ERBB4: variants seen among roughly 807,000 people sequenced by gnomAD.
ERBB4 encodes receptor tyrosine-protein kinase erbB-4.
ERBB4 carries 42 observed loss-of-function variants against 158.0 expected under a neutral mutation model. The observed-to-expected ratio is 0.27, with a 90% CI of 0.21 to 0.34. ERBB4 has a LOEUF of 0.34. Ranked by LOEUF, ERBB4 falls within the 10% of genes least tolerant of loss-of-function variation. The pLI, the probability that ERBB4 is intolerant of heterozygous loss-of-function variation, is 1.00. For missense variants in ERBB4, 1,333 were observed against 1,624.1 expected, an observed-to-expected ratio of 0.82 and a Z score of 3.08; for synonymous variants, 583 against 558.7, an observed-to-expected ratio of 1.04 and a Z score of -0.61.
chr2:211,947,284 A>G (rs777289981), intron 3 of ERBB4, 146 bp downstream of exon 3: 164 of 703,072 alleles, frequency 2.3e-4, no homozygotes, highest in Non-Finnish European at 3.7e-4. Flanking sequence ...ATCACAGGGC[A>G]TCATTGCTTA....
At chr2:211,802,289 A>C (rs2076518382) in intron 3 of ERBB4, among the ~76,000 whole-genome samples, 1 of 152,002 alleles carries the variant, frequency 6.6e-6, no homozygotes, top group African/African-American at 2.4e-5. Flanking sequence ...AAAAAACTGA[A>C]ATACAGGTAG....
chr2:211,698,567 T>C (rs1472093763), intron 12 of ERBB4, among the ~76,000 whole-genome samples: 1 of 151,810 alleles, frequency 6.6e-6, no homozygotes, highest in African/African-American at 2.4e-5. Flanking sequence ...GGTTTTATAT[T>C]GAACAATGAG....
chr2:212,274,088 G>C (rs2106126748), intron 1 of ERBB4, among the ~76,000 whole-genome samples: 1 of 151,890 alleles, frequency 6.6e-6, no homozygotes, highest in South Asian at 2.1e-4. Context: ...AAAAGAAAAT[G>C]TTATTAAGAA....
chr2:211,820,409 A>T (rs1177777010), intron 3 of ERBB4, among the ~76,000 whole-genome samples: 2 of 151,944 alleles, frequency 1.3e-5, no homozygotes, highest in Non-Finnish European at 2.9e-5. Context: ...GAACACACCA[A>T]TGACAAGTAA....
chr2:211,704,077 C>T (rs898621112), intron 11 of ERBB4, 27 bp downstream of exon 11: 2 of 1,265,554 alleles, frequency 1.6e-6, no homozygotes, highest in Non-Finnish European at 2.3e-6. Flanking sequence ...ATCTGTGAGC[C>T]CTGCAGCTTT....
Position 211,947,627 on chromosome 2 carries a change from A to C in ERBB4, c.235-11T>G, listed in dbSNP as rs1319803777. The C allele has an allele frequency of 6.2e-7, 1 of 1,612,000 alleles. No homozygotes were observed. Among genetic ancestry groups the C allele is most frequent in the African/African-American group, 1.3e-5 (1 of 75,050 alleles). ...GACTTCTCGAACAGACTGAAAAGAC[A>C]CAAACAGTTGCCTGTGTTATAAAAC... On this transcript the variant is annotated splice_polypyrimidine_tract_variant and intron_variant, in intron 2 of 27. Transcript: ENST00000342788.
At position 211,643,053 on chromosome 2, in the gene ERBB4, C is replaced by T. The variant is rs545606106; in HGVS notation, c.1947-12459G>A. Among the ~76,000 whole-genome samples the T allele has an allele frequency of 1.3e-5, 2 of 152,192 alleles. 1 individual carries two copies. The highest frequency in any genetic ancestry group is 4.1e-4 in the South Asian group (2 of 4,830). On this transcript the variant is annotated intron_variant, in intron 16 of 27. Coordinates refer to ENST00000342788, the MANE Select transcript of ERBB4 (RefSeq NM_005235.3). ...GTTTTAGTTTAGTTTATCCCTCACC[C>T]TCACCACACTGCGTCCAAGTCCCAG...
chr2:212,514,444 C>T (rs1038922920), intron 1 of ERBB4, among the ~76,000 whole-genome samples: 4 of 152,140 alleles, frequency 2.6e-5, no homozygotes, highest in African/African-American at 9.7e-5. Context: ...TATTCAAATA[C>T]ATTAGTTGTC....
intron 12 of ERBB4, among the ~76,000 whole-genome samples, chr2:211,694,267 A>T (rs972810752): frequency 2.0e-5 from 3 of 152,166 alleles, no homozygotes; most frequent in Non-Finnish European, 2.9e-5. Flanking sequence ...TTTAATAATT[A>T]TAAGTTTTAC....
intron 1 of ERBB4, among the ~76,000 whole-genome samples, chr2:212,456,017 T>C (rs1238852063): frequency 6.6e-6 from 1 of 151,992 alleles, no homozygotes; most frequent in Non-Finnish European, 1.5e-5. Context: ...TCAGGTTTAT[T>C]TCACCCTTGA....
chr2:212,226,361 CA>C (rs2083468224), intron 1 of ERBB4, among the ~76,000 whole-genome samples: 1 of 151,408 alleles, frequency 6.6e-6, no homozygotes, highest in Non-Finnish European at 1.5e-5. Flanking sequence ...AGGATCTAGC[CA>C]TGCTATACCT....
chr2:212,465,119 G>C (rs1460531286), intron 1 of ERBB4, among the ~76,000 whole-genome samples: 3 of 152,062 alleles, frequency 2.0e-5, no homozygotes, highest in African/African-American at 7.2e-5. Flanking sequence ...AGCCCAGGAG[G>C]CTAGGAAATA....
intron 1 of ERBB4, among the ~76,000 whole-genome samples, chr2:212,284,018 T>C (rs1279004460): frequency 6.6e-6 from 1 of 150,910 alleles, no homozygotes; most frequent in African/African-American, 2.5e-5. Context: ...TTCCAAAATT[T>C]TTTTTCTGGG....
rs537363018 is a variant in ERBB4, at chr2:212,484,683, C to A, written c.82+53766G>T. 5.9e-5 allele frequency among the ~76,000 whole-genome samples: 9 copies of A among 152,336 alleles called. No individual in the cohort carries two copies. In the South Asian group the frequency reaches 1.9e-3, roughly 32 times the overall value. ...ATAAAAGAAAACTGCCTTGGCATTG[C>A]TTCAAAGGCTTTTTAAGGTTAGGCC... On this transcript the variant is annotated intron_variant, in intron 1 of 27. Transcript: ENST00000342788.
At chr2:212,251,535 C>T (rs759865038) in intron 1 of ERBB4, among the ~76,000 whole-genome samples, 1 of 151,800 alleles carries the variant, frequency 6.6e-6, no homozygotes, top group Non-Finnish European at 1.5e-5. Flanking sequence ...CAGTAGCTTT[C>T]AGGAACTTAC....
chr2:212,251,528 T>C (rs1207823528), intron 1 of ERBB4, among the ~76,000 whole-genome samples: 1 of 151,840 alleles, frequency 6.6e-6, no homozygotes, highest in East Asian at 1.9e-4. Context: ...TGAGGATCAG[T>C]AGCTTTCAGG....
chr2:211,848,110 A>G (rs13407198), intron 3 of ERBB4, among the ~76,000 whole-genome samples: 37,050 of 151,896 alleles, frequency 0.24, 5,489 homozygotes, highest in East Asian at 0.42. Flanking sequence ...TTAATTTCCT[A>G]TCTAGGCCTG....
At chr2:211,726,113 T>G (rs2074257630) in intron 5 of ERBB4, among the ~76,000 whole-genome samples, 1 of 152,196 alleles carries the variant, frequency 6.6e-6, no homozygotes, top group African/African-American at 2.4e-5. Flanking sequence ...AGTATATCAC[T>G]TCCTGGTTTC....
intron 2 of ERBB4, among the ~76,000 whole-genome samples, chr2:212,116,181 GAT>G (rs1163618646): frequency 6.6e-6 from 1 of 151,368 alleles, no homozygotes; most frequent in Non-Finnish European, 1.5e-5. Flanking sequence ...TATATGCATA[GAT>G]ATAAATGGTC....
Sources: allele counts gnomAD v4.1 joint callset (sites outside exome capture counted in the v4.1 genomes callset), GRCh38; gene constraint gnomAD v4.1.1; transcripts MANE v1.5; gene names NCBI Gene and HGNC (gene_info 2026-07-23, HGNC 2026-07-21).